SCRIB: variants seen among roughly 807,000 people sequenced by gnomAD.
The protein encoded by SCRIB is scribble planar cell polarity protein.
SCRIB carries 72 observed loss-of-function variants against 170.0 expected under a neutral mutation model. That is an observed-to-expected ratio of 0.42 (90% confidence interval 0.35 to 0.52). SCRIB has a LOEUF of 0.52. Ranked by LOEUF, SCRIB falls within the 20% of genes least tolerant of loss-of-function variation. SCRIB has a pLI of 0.02. For missense variants in SCRIB, 2,475 were observed against 2,338.5 expected, an observed-to-expected ratio of 1.06 and a Z score of -1.20; for synonymous variants, 1,298 against 1,044.3, an observed-to-expected ratio of 1.24 and a Z score of -4.68.
chr8:143,792,666 C>T (rs1554633185), intron 30 of SCRIB, 31 bp from the exon 31 acceptor site: 23 of 1,591,212 alleles, frequency 1.4e-5, no homozygotes, highest in Non-Finnish European at 2.0e-5. Context: ...TCAGGCCAGA[C>T]CAGCCGAGAC....
At position 143,807,074 on chromosome 8, in the gene SCRIB, C is replaced by T. The variant is rs527850667; in HGVS notation, c.2179-61G>A. 3.1e-5 allele frequency: 37 copies of T among 1,201,150 alleles called. No individual in the cohort carries two copies. In the African/African-American group the frequency reaches 5.2e-4, roughly 17 times the overall value. The allele number at this position is 1,201,150 out of a possible 1,614,324, so 74.4% of individuals were successfully genotyped here. A position where few individuals can be genotyped will look rare whatever the true frequency, so the allele number is the denominator to read the frequency against. On this transcript the variant is annotated intron_variant, in intron 16 of 36. Transcript: ENST00000356994. ...GCAGTGGGGCTGCCTGTGCTCTCTG[C>T]AGGAGACCCCACCAGCACGCAGATG...
In SCRIB at chr8:143,815,513, G is replaced by T. The variant is rs1816051833; in HGVS notation, c.-141C>A. On this transcript the variant is annotated 5_prime_UTR_variant, in exon 1 of 37. Transcript: ENST00000356994. ...GCCGCCCGAGACTGGACGGGGACGC[G>T]GCCGCGGCCGGCGCTGGGCCCGGCC... 2 of 984,542 alleles carry T rather than the reference G, an allele frequency of 2.0e-6. No homozygotes were observed. Among genetic ancestry groups the T allele is most frequent in the East Asian group, 1.1e-4 (1 of 8,780 alleles). The allele number at this position is 984,542 out of a possible 1,614,324, so 61.0% of individuals were successfully genotyped here.
In SCRIB at chr8:143,792,866, G is replaced by C; in HGVS notation, c.4019C>G (p.Pro1340Arg). 6.6e-7 allele frequency: 1 copy of C among 1,514,528 alleles called. No individual in the cohort carries two copies. Among genetic ancestry groups the C allele is most frequent in the Non-Finnish European group, 8.8e-7 (1 of 1,136,138 alleles). 93.8% of individuals were successfully genotyped at this position (1,514,528 alleles called of 1,614,324 possible). ...SHPPEDAPAQ[P>R]PTPGPAASPE... ...GGAGGCTGCAGGCCCAGGCGTGGGG[G>C]GCTGGGGGGAGCGGACCTTGAGGTT... The change falls in exon 30 of 37, where the codon CCC (proline) becomes CGC (arginine). Residue 1340 changes from proline to arginine, a missense_variant and splice_region_variant. Transcript: ENST00000356994.
At chr8:143,808,172 GA>G (rs1266685237) in intron 15 of SCRIB, among the ~76,000 whole-genome samples, 3 of 152,208 alleles carry the variant, frequency 2.0e-5, no homozygotes, top group Admixed American at 2.0e-4. Context: ...CTGGGACCAC[GA>G]CACATGTAGA....
intron 1 of SCRIB, among the ~76,000 whole-genome samples, 191 bp from the exon 2 acceptor site, chr8:143,814,309 C>T (rs1003686294): frequency 2.0e-5 from 3 of 152,266 alleles, no homozygotes; most frequent in East Asian, 3.9e-4. Flanking sequence ...CACACGCCCA[C>T]TGTGGCTGCC....
At chr8:143,797,827 C>T (rs1469062191) in intron 24 of SCRIB, among the ~76,000 whole-genome samples, 11 of 152,240 alleles carry the variant, frequency 7.2e-5, no homozygotes, top group African/African-American at 1.9e-4. Flanking sequence ...CCACAGGGAT[C>T]GGGCCGCGCC....
At chr8:143,797,043 T>A (rs1554634218) in intron 24 of SCRIB, among the ~76,000 whole-genome samples, 1 of 152,024 alleles carries the variant, frequency 6.6e-6, no homozygotes, top group African/African-American at 2.4e-5. Flanking sequence ...GACCACAGCT[T>A]CTAAATGTCA....
At position 143,810,831 on chromosome 8, in the gene SCRIB, C is replaced by T. The variant is rs772524005; in HGVS notation, c.1274-15G>A. On this transcript the variant is annotated splice_polypyrimidine_tract_variant and intron_variant, in intron 11 of 36. Coordinates refer to ENST00000356994, the MANE Select transcript of SCRIB (RefSeq NM_182706.5). Reference sequence around the variant, plus strand: ...CCCAGCATCCTCTGCAGCAGGTGAGCGTCAGGACCCAGGCTAGTCCCCAAA... The same window carrying T: ...CCCAGCATCCTCTGCAGCAGGTGAGTGTCAGGACCCAGGCTAGTCCCCAAA... The T allele has an allele frequency of 1.2e-5, 20 of 1,601,600 alleles. No homozygotes were observed. The highest frequency in any genetic ancestry group is 1.1e-4 in the East Asian group (5 of 44,764).
At position 143,807,633 on chromosome 8, in the gene SCRIB, T is replaced by A; in HGVS notation, c.2116-19A>T. On this transcript the variant is annotated intron_variant, in intron 15 of 36. Coordinates refer to ENST00000356994, the MANE Select transcript of SCRIB (RefSeq NM_182706.5). ...ACACTCCCTGTTAGGACAGGACCAGTGAGGCATGCAGGTTAGCCACCGCCA... is the reference window on the plus strand; with the variant it reads ...ACACTCCCTGTTAGGACAGGACCAGAGAGGCATGCAGGTTAGCCACCGCCA... 6.2e-7 allele frequency: 1 copy of A among 1,609,742 alleles called. No individual in the cohort carries two copies. Among genetic ancestry groups the A allele is most frequent in the South Asian group, 1.1e-5 (1 of 90,990 alleles).
rs201834512 is a variant in SCRIB, at chr8:143,811,213, G to A, written c.1039C>T (p.Leu347=). The part of the protein sequence containing the change: ...LSVLSLRDNR[L]AVLPPELAHT... The stretch of plus-strand genomic sequence containing the variant: ...GCCAGCTCTGGTGGCAGGACGGCCA[G>A]GCGGTTGTCCCTCAAGGAGAGGACG... The change falls in exon 10 of 37, where the codon CTG becomes TTG. Residue 347 remains leucine (L), a synonymous_variant. Coordinates refer to ENST00000356994, the MANE Select transcript of SCRIB (RefSeq NM_182706.5). 5 of 1,611,584 alleles carry A rather than the reference G, an allele frequency of 3.1e-6. No homozygotes were observed. Among genetic ancestry groups the A allele is most frequent in the African/African-American group, 2.7e-5 (2 of 75,022 alleles).
intron 32 of SCRIB, 31 bp downstream of exon 32, chr8:143,792,189 G>A: frequency 1.3e-6 from 2 of 1,555,124 alleles, no homozygotes; most frequent in Non-Finnish European, 1.7e-6. Context: ...CAGGCAGCAG[G>A]GCGGGGTGGC....
chr8:143,813,907 G>A lies in SCRIB; in HGVS notation c.278-11C>T. ...GGATCTCAGGGATATCTGTCACAGA[G>A]GGTCACAGTGGACAGATGCCATGGC... is the stretch of plus-strand genomic sequence containing the variant. On this transcript the variant is annotated splice_polypyrimidine_tract_variant and intron_variant, in intron 2 of 36. Coordinates refer to ENST00000356994, the MANE Select transcript of SCRIB (RefSeq NM_182706.5). 1.9e-6 allele frequency: 3 copies of A among 1,606,392 alleles called. No homozygotes were observed. The highest frequency in any genetic ancestry group is 2.6e-6 in the Non-Finnish European group (3 of 1,174,892).
At chr8:143,796,862 G>C (rs546785647) in intron 24 of SCRIB, among the ~76,000 whole-genome samples, 1 of 152,292 alleles carries the variant, frequency 6.6e-6, no homozygotes, top group Admixed American at 6.5e-5. Context: ...ATGTCAGAGA[G>C]AGCTGTTCAA....
intron 9 of SCRIB, 120 bp from the exon 10 acceptor site, chr8:143,811,465 C>T: frequency 1.2e-6 from 1 of 829,084 alleles, no homozygotes; most frequent in African/African-American, 1.7e-5. Flanking sequence ...TCCCTCACAG[C>T]CCCTGGAGAC....
At chr8:143,803,259 C>A (rs553533625) in intron 24 of SCRIB, 124 bp downstream of exon 24, 2 of 927,460 alleles carry the variant, frequency 2.2e-6, no homozygotes, top group East Asian at 2.8e-5. Context: ...GATGCAGAGC[C>A]GCAGAGCACC....
chr8:143,814,910 C>G (rs1815992466), intron 1 of SCRIB: 2 of 405,990 alleles, frequency 4.9e-6, no homozygotes, highest in Non-Finnish European at 8.9e-6. Flanking sequence ...CATCAGCCAC[C>G]TGAATCCAAG....
At chr8:143,814,231 G>C (rs914912653) in intron 1 of SCRIB, 113 bp from the exon 2 acceptor site, 1 of 838,356 alleles carries the variant, frequency 1.2e-6, no homozygotes, top group African/African-American at 1.7e-5. Flanking sequence ...GTCTGCTCCA[G>C]GTCACACCGG....
intron 24 of SCRIB, among the ~76,000 whole-genome samples, chr8:143,800,843 C>T (rs1815143473): frequency 6.6e-6 from 1 of 152,272 alleles, no homozygotes. Flanking sequence ...GCCGCTACTC[C>T]AGCCTGGGCG....
intron 24 of SCRIB, among the ~76,000 whole-genome samples, chr8:143,801,714 C>T (rs1815179267): frequency 6.6e-6 from 1 of 152,154 alleles, no homozygotes; most frequent in Non-Finnish European, 1.5e-5. Context: ...AAAGAGGTAG[C>T]AGTGACGGGG....
Sources: gnomAD v4.1 joint callset for allele counts (sites outside exome capture counted in the v4.1 genomes callset) on GRCh38, gnomAD v4.1.1 for gene constraint, MANE v1.5 for transcripts, NCBI Gene and HGNC (gene_info 2026-07-23, HGNC 2026-07-21) for gene names.